FAM149B1: variants seen among roughly 807,000 people sequenced by gnomAD.
The protein encoded by FAM149B1 is family with sequence similarity 149 member B1.
A neutral mutation model predicts 75.3 loss-of-function variants in FAM149B1; 56 were observed. That is an observed-to-expected ratio of 0.74 (90% CI 0.60 to 0.93). FAM149B1 has a LOEUF of 0.93. Among genes scored for constraint, FAM149B1 ranks in the 40% least tolerant of loss-of-function variants. The probability of loss-of-function intolerance (pLI) is 0.00; values close to 1 mark genes in which losing one functional copy is unlikely to be tolerated. For synonymous variants in FAM149B1, 259 were observed against 256.1 expected, an observed-to-expected ratio of 1.01 and a Z score of -0.11; for missense variants, 639 against 708.4, an observed-to-expected ratio of 0.90 and a Z score of 1.11.
intron 5 of FAM149B1, among the ~76,000 whole-genome samples, chr10:73,197,638 C>T (rs1047809120): frequency 6.6e-6 from 1 of 151,910 alleles, no homozygotes; most frequent in African/African-American, 2.4e-5. Flanking sequence ...GGTGTGGTGG[C>T]GCACGCCTGT....
At chr10:73,217,533 G>A (rs1206504354) in intron 7 of FAM149B1, among the ~76,000 whole-genome samples, 1 of 152,182 alleles carries the variant, frequency 6.6e-6, no homozygotes, top group Non-Finnish European at 1.5e-5. Flanking sequence ...CTCATGTGGA[G>A]ACTCAACTAG....
intron 2 of FAM149B1, 74 bp downstream of exon 2, chr10:73,174,865 T>A: frequency 1.0e-6 from 1 of 1,003,892 alleles, no homozygotes; most frequent in Non-Finnish European, 1.5e-6. Flanking sequence ...GGCTTAAGAT[T>A]GGTGTCAAGC....
At chr10:73,224,296 G>A (rs1213754660) in intron 7 of FAM149B1, among the ~76,000 whole-genome samples, 1 of 152,052 alleles carries the variant, frequency 6.6e-6, no homozygotes, top group Non-Finnish European at 1.5e-5. Flanking sequence ...GCTTGGCTGT[G>A]TACACTAGTA....
In FAM149B1 at chr10:73,243,562, T is replaced by C. The variant is rs1377484553; in HGVS notation, c.*2543T>C. On this transcript the variant is annotated 3_prime_UTR_variant, in exon 14 of 14. Coordinates refer to ENST00000242505, the MANE Select transcript of FAM149B1 (RefSeq NM_173348.2). ...ACACAAGCTTTCACAACATTATCCATAGACAGAAAGTACCTAGTGGTTGCC... is the reference window on the plus strand; with the variant it reads ...ACACAAGCTTTCACAACATTATCCACAGACAGAAAGTACCTAGTGGTTGCC... The C allele has an allele frequency of 9.3e-6, 15 of 1,611,772 alleles. No homozygotes were observed. The highest frequency in any genetic ancestry group is 4.0e-5 in the African/African-American group (3 of 74,738).
At chr10:73,200,455 C>T in intron 5 of FAM149B1, 1 of 613,898 alleles carries the variant, frequency 1.6e-6, no homozygotes, top group Non-Finnish European at 3.2e-6. Context: ...GCAAAAACTG[C>T]AGGCTGAAGT....
chr10:73,230,090 T>A (rs2043649443), intron 8 of FAM149B1, among the ~76,000 whole-genome samples: 1 of 152,206 alleles, frequency 6.6e-6, no homozygotes, highest in African/African-American at 2.4e-5. Context: ...TATTGTTCCA[T>A]ATTTTGTCTG....
At chr10:73,201,889 G>A (rs2042947057) in intron 5 of FAM149B1, among the ~76,000 whole-genome samples, 1 of 152,140 alleles carries the variant, frequency 6.6e-6, no homozygotes, top group Non-Finnish European at 1.5e-5. Context: ...TAGCAGCCAG[G>A]AGCGATGGCT....
chr10:73,192,704 G>A lies in FAM149B1; in HGVS notation c.425+6G>A. 1 of 1,526,476 alleles carries A rather than the reference G, an allele frequency of 6.6e-7. No individual in the cohort carries two copies. The highest frequency in any genetic ancestry group is 8.8e-7 in the Non-Finnish European group (1 of 1,139,536). The allele number at this position is 1,526,476 out of a possible 1,614,324, so 94.6% of individuals were successfully genotyped here. ...GCTAGCTTTCCTCACCTCAGGTACT[G>A]AAGCCCTCCAGTTGACTTGTATTCA... On this transcript the variant is annotated splice_donor_region_variant and intron_variant, in intron 4 of 13. Coordinates refer to ENST00000242505, the MANE Select transcript of FAM149B1 (RefSeq NM_173348.2).
Position 73,193,498 on chromosome 10 carries a change from C to G in FAM149B1, c.447C>G (p.Ile149Met), listed in dbSNP as rs377021877. The G allele has an allele frequency of 3.2e-5, 49 of 1,549,480 alleles. No homozygotes were observed. The highest frequency in any genetic ancestry group is 2.6e-4 in the African/African-American group (19 of 73,074). Reference sequence around the variant, plus strand: ...GAAGGATTCTAGGTAGGCAGATAATCACTCCAAGTGAAGGTTATAGATTGT... The same window carrying G: ...GAAGGATTCTAGGTAGGCAGATAATGACTCCAAGTGAAGGTTATAGATTGT... ...PHLRILGRQI[I>M]TPSEGYRLYP... Residue 149 changes from isoleucine (I) to methionine (M), a missense_variant, in exon 5 of 14, where the codon ATC becomes ATG. Physicochemically the swap from Ile to Met is conservative, Grantham distance 10 (BLOSUM62 1). Transcript: ENST00000242505.
At chr10:73,210,527 C>T (rs760792937) in intron 7 of FAM149B1, 89 bp downstream of exon 7, 1 of 944,018 alleles carries the variant, frequency 1.1e-6, no homozygotes, top group Non-Finnish European at 1.6e-6. Flanking sequence ...CTTCTTAGTG[C>T]AAAAGGTGCG....
At chr10:73,236,789 C>G (rs185762093) in intron 12 of FAM149B1, among the ~76,000 whole-genome samples, 1 of 151,082 alleles carries the variant, frequency 6.6e-6, no homozygotes, top group Admixed American at 6.6e-5. Context: ...GAGCACAGCT[C>G]ACTGCAGCCT....
intron 5 of FAM149B1, among the ~76,000 whole-genome samples, chr10:73,202,329 T>C (rs1200627862): frequency 6.6e-6 from 1 of 152,184 alleles, no homozygotes; most frequent in Admixed American, 6.5e-5. Flanking sequence ...GAAATTCCTA[T>C]TTATTTTTCA....
chr10:73,233,484 G>A (rs181725684), intron 10 of FAM149B1, among the ~76,000 whole-genome samples: 10 of 152,164 alleles, frequency 6.6e-5, no homozygotes, highest in Non-Finnish European at 1.0e-4. Context: ...GACCACAGGC[G>A]GGTGGTGCCA....
Position 73,228,063 on chromosome 10 carries a change from AT to A in FAM149B1, c.903del (p.Asp301GlufsTer18), listed in dbSNP as rs2043596768. On this transcript the variant is annotated frameshift_variant, in exon 8 of 14. Coordinates refer to ENST00000242505, the MANE Select transcript of FAM149B1 (RefSeq NM_173348.2). LOFTEE classifies it high-confidence loss of function. The part of the protein sequence containing the change: ...RSHWEGFASD[D>X]ESNVAVTRPD... ...TATATCCTGTTCCTTTGCCCAGATG[AT>A]GAGAGTAATGTTGCAGTTACCAGAC... The A allele has an allele frequency of 1.3e-6, 2 of 1,551,542 alleles. No individual in the cohort carries two copies. Among genetic ancestry groups the A allele is most frequent in the South Asian group, 2.4e-5 (2 of 84,068 alleles).
chr10:73,198,695 C>T (rs979724390), intron 5 of FAM149B1, among the ~76,000 whole-genome samples: 1 of 152,156 alleles, frequency 6.6e-6, no homozygotes, highest in South Asian at 2.1e-4. Flanking sequence ...ATTCCAGCTA[C>T]TCAGGAGGCT....
chr10:73,240,727 AAAC>A (rs2043930663), intron 13 of FAM149B1, among the ~76,000 whole-genome samples: 1 of 152,046 alleles, frequency 6.6e-6, no homozygotes, highest in Admixed American at 6.6e-5. Flanking sequence ...AAAAAAAAAA[AAAC>A]CTCAGGTATA....
intron 13 of FAM149B1, 26 bp downstream of exon 13, chr10:73,239,410 TTAC>T: frequency 5.2e-6 from 8 of 1,530,322 alleles, no homozygotes; most frequent in Non-Finnish European, 7.1e-6. Flanking sequence ...TGGCCCTTAT[TTAC>T]TACTGTGTGG....
intron 3 of FAM149B1, among the ~76,000 whole-genome samples, chr10:73,180,072 A>C (rs1055590408): frequency 1.3e-5 from 2 of 152,208 alleles, no homozygotes; most frequent in African/African-American, 4.8e-5. Context: ...GAGATTGACA[A>C]AAGTAAATAC....
intron 7 of FAM149B1, among the ~76,000 whole-genome samples, chr10:73,214,576 TA>T (rs1412371375): frequency 6.6e-6 from 1 of 152,250 alleles, no homozygotes; most frequent in Non-Finnish European, 1.5e-5. Context: ...TTTTTGTCCT[TA>T]ATTCTGTTTA....
Sources: gnomAD v4.1 joint callset for allele counts (sites outside exome capture counted in the v4.1 genomes callset) on GRCh38, gnomAD v4.1.1 for gene constraint, MANE v1.5 for transcripts, NCBI Gene and HGNC (gene_info 2026-07-23, HGNC 2026-07-21) for gene names.